The following PTPRG variants were observed in gnomAD, a reference collection of about 807,000 sequenced individuals.
PTPRG encodes protein tyrosine phosphatase receptor type G.
In PTPRG, 102 loss-of-function variants were observed where a neutral mutation model predicts 165.3. The ratio of observed to expected loss-of-function variants is 0.62; its 90% CI spans 0.53 to 0.73. The LOEUF is 0.73. Among genes scored for constraint, PTPRG ranks in the 30% least tolerant of loss-of-function variants. The pLI, the probability that PTPRG is intolerant of heterozygous loss-of-function variation, is 0.00. For synonymous variants in PTPRG, 675 were observed against 669.5 expected, an observed-to-expected ratio of 1.01 and a Z score of -0.13; for missense variants, 1,866 against 1,861.4, an observed-to-expected ratio of 1.00 and a Z score of -0.05.
intron 1 of PTPRG, among the ~76,000 whole-genome samples, chr3:61,604,025 C>T (rs1700933870): frequency 6.6e-6 from 1 of 152,192 alleles, no homozygotes; most frequent in South Asian, 2.1e-4. Flanking sequence ...GTTTTATTGA[C>T]ATATATTTGT....
chr3:62,107,213 G>A (rs532674730), intron 5 of PTPRG, among the ~76,000 whole-genome samples: 1 of 152,276 alleles, frequency 6.6e-6, no homozygotes, highest in African/African-American at 2.4e-5. Context: ...AATCAGATTC[G>A]TAGTTACATC....
intron 4 of PTPRG, among the ~76,000 whole-genome samples, chr3:62,049,227 A>G (rs1575936515): frequency 6.6e-6 from 1 of 152,146 alleles, no homozygotes; most frequent in African/African-American, 2.4e-5. Context: ...AGATCTGTGT[A>G]ATGCGAGCAG....
chr3:62,267,931 A>G (rs1352165628), intron 19 of PTPRG, 112 bp downstream of exon 19: 17 of 1,239,772 alleles, frequency 1.4e-5, no homozygotes, highest in East Asian at 7.1e-5. Flanking sequence ...TACGGAAATG[A>G]AAAGTGTTCT....
chr3:61,804,876 G>A (rs150286384), intron 2 of PTPRG, among the ~76,000 whole-genome samples: 1 of 152,140 alleles, frequency 6.6e-6, no homozygotes, highest in Non-Finnish European at 1.5e-5. Flanking sequence ...ATGTATAAAT[G>A]CCAGCTCTCT....
chr3:61,964,954 A>C (rs1280746569), intron 2 of PTPRG, among the ~76,000 whole-genome samples: 2 of 152,062 alleles, frequency 1.3e-5, no homozygotes, highest in African/African-American at 4.8e-5. Context: ...GTTAGTAAAG[A>C]ATCCGGGGCC....
intron 8 of PTPRG, among the ~76,000 whole-genome samples, chr3:62,168,638 G>T (rs1044307524): frequency 6.6e-6 from 1 of 152,166 alleles, no homozygotes; most frequent in African/African-American, 2.4e-5. Flanking sequence ...ACATAAGGGA[G>T]GGGGAGCACA....
At chr3:61,716,209 C>A (rs1388553549) in intron 1 of PTPRG, among the ~76,000 whole-genome samples, 1 of 152,180 alleles carries the variant, frequency 6.6e-6, no homozygotes, top group Admixed American at 6.6e-5. Context: ...CCTCTAACGT[C>A]ATCTTGAACT....
intron 1 of PTPRG, among the ~76,000 whole-genome samples, chr3:61,690,168 G>A (rs60911238): frequency 6.6e-6 from 1 of 152,228 alleles, no homozygotes; most frequent in East Asian, 1.9e-4. Context: ...TACTTGTTAC[G>A]ACAATATCAC....
At chr3:61,719,054 A>T (rs1401357066) in intron 1 of PTPRG, among the ~76,000 whole-genome samples, 1 of 152,172 alleles carries the variant, frequency 6.6e-6, no homozygotes, top group Non-Finnish European at 1.5e-5. Flanking sequence ...GAAATTCCCA[A>T]ACCTCATTTT....
chr3:62,161,937 C>G (rs1704781386), intron 7 of PTPRG, among the ~76,000 whole-genome samples: 1 of 152,190 alleles, frequency 6.6e-6, no homozygotes, highest in African/African-American at 2.4e-5. Context: ...TTTCCAGTTT[C>G]TAGTTAGTAT....
intron 1 of PTPRG, among the ~76,000 whole-genome samples, chr3:61,685,350 G>C (rs1703590725): frequency 6.6e-6 from 1 of 152,204 alleles, no homozygotes; most frequent in African/African-American, 2.4e-5. Flanking sequence ...AAGAGGGTTG[G>C]TTAAAATTAA....
intron 1 of PTPRG, among the ~76,000 whole-genome samples, chr3:61,720,600 A>G (rs2032005908): frequency 6.6e-6 from 1 of 152,152 alleles, no homozygotes; most frequent in South Asian, 2.1e-4. Flanking sequence ...TCCCACTTCA[A>G]GGGCTACTAC....
In PTPRG at chr3:62,286,400, ACT is replaced by A. The variant is rs1702661351; in HGVS notation, c.4055+3534_4055+3535del. 5.3e-5 allele frequency among the ~76,000 whole-genome samples: 8 copies of A among 152,244 alleles called. 2 individuals carry two copies. In the South Asian group the frequency reaches 1.7e-3, roughly 32 times the overall value. On this transcript the variant is annotated intron_variant, in intron 28 of 29. Coordinates refer to ENST00000474889, the MANE Select transcript of PTPRG (RefSeq NM_002841.4). ...ATTTCTTCACAGTGTCAGGGTTATA[ACT>A]CTGGATAGCAATCTTGGTTATGATT... is the stretch of plus-strand genomic sequence containing the variant.
chr3:61,785,927 T>C (rs938868564), intron 2 of PTPRG, among the ~76,000 whole-genome samples: 10 of 152,176 alleles, frequency 6.6e-5, no homozygotes, highest in Non-Finnish European at 1.5e-4. Context: ...GTTCTTTTCC[T>C]TGGATTCCTA....
chr3:61,784,667 A>G (rs1457474504), intron 2 of PTPRG, among the ~76,000 whole-genome samples: 1 of 152,224 alleles, frequency 6.6e-6, no homozygotes, highest in Admixed American at 6.5e-5. Context: ...AATTTCATTA[A>G]GTGATCATGA....
chr3:61,974,653 T>C (rs2040462402), intron 2 of PTPRG, among the ~76,000 whole-genome samples: 1 of 152,200 alleles, frequency 6.6e-6, no homozygotes, highest in South Asian at 2.1e-4. Flanking sequence ...CTCACTTAAT[T>C]TCCTTTTATC....
Position 61,800,242 on chromosome 3 carries a change from C to T in PTPRG, c.190+51260C>T, listed in dbSNP as rs139546656. On this transcript the variant is annotated intron_variant, in intron 2 of 29. Coordinates refer to ENST00000474889, the MANE Select transcript of PTPRG (RefSeq NM_002841.4). ...GATTTGGTATGTTTTTTCATAGAGC[C>T]AGTGTTCTAGAAGGTGGTAGGTTTT... 2.5e-3 allele frequency among the ~76,000 whole-genome samples: 382 copies of T among 152,128 alleles called. 1 individual carries two copies. Among genetic ancestry groups the T allele is most frequent in the African/African-American group, 8.7e-3 (361 of 41,476 alleles).
intron 2 of PTPRG, among the ~76,000 whole-genome samples, chr3:61,975,100 G>C (rs1377769957): frequency 6.6e-6 from 1 of 152,162 alleles, no homozygotes; most frequent in East Asian, 1.9e-4. Flanking sequence ...CAGAAAATGA[G>C]GGTAGTATTG....
intron 12 of PTPRG, among the ~76,000 whole-genome samples, chr3:62,215,553 C>CA (rs1299688891): frequency 1.4e-5 from 2 of 142,170 alleles, no homozygotes; most frequent in Non-Finnish European, 3.1e-5. Context: ...GGAACCCCCC[C>CA]CCCCCGCCAA....
Sources: gnomAD v4.1 joint callset for allele counts (sites outside exome capture counted in the v4.1 genomes callset) on GRCh38, gnomAD v4.1.1 for gene constraint, MANE v1.5 for transcripts, NCBI Gene and HGNC (gene_info 2026-07-23, HGNC 2026-07-21) for gene names.